PPP2R3A: variants seen among roughly 807,000 people sequenced by gnomAD.
PPP2R3A encodes serine/threonine-protein phosphatase 2A regulatory subunit B'' subunit alpha.
In PPP2R3A, 80 loss-of-function variants were observed where a neutral mutation model predicts 106.9. That is an observed-to-expected ratio of 0.75 (90% CI 0.62 to 0.90). The LOEUF (loss-of-function observed/expected upper bound fraction) is 0.90, where lower values mean the gene tolerates loss of function less well. Among genes scored for constraint, PPP2R3A ranks in the 40% least tolerant of loss-of-function variants. The pLI, the probability that PPP2R3A is intolerant of heterozygous loss-of-function variation, is 0.00. For missense variants in PPP2R3A, 1,386 were observed against 1,350.4 expected, an observed-to-expected ratio of 1.03 and a Z score of -0.41; for synonymous variants, 483 against 468.3, an observed-to-expected ratio of 1.03 and a Z score of -0.41.
intron 3 of PPP2R3A, among the ~76,000 whole-genome samples, chr3:136,037,284 A>T (rs1464250470): frequency 6.6e-6 from 1 of 152,232 alleles, no homozygotes; most frequent in Non-Finnish European, 1.5e-5. Flanking sequence ...ACATCTGGTT[A>T]AATTCTCAGT....
rs146920380 is a variant in PPP2R3A, at chr3:135,972,291, G to A, written c.-441+6442G>A. ...GTATACGAGGTTCACTCAGGTTGTA[G>A]CATGTATCAGTACTTCATTCTTTCT... is the stretch of plus-strand genomic sequence containing the variant. On this transcript the variant is annotated intron_variant, in intron 1 of 13. Coordinates refer to ENST00000264977, the MANE Select transcript of PPP2R3A (RefSeq NM_002718.5). Among the ~76,000 whole-genome samples, 14 of 152,308 alleles carry A rather than the reference G, an allele frequency of 9.2e-5. No individual in the cohort carries two copies. In the East Asian group the frequency reaches 2.7e-3, roughly 29 times the overall value.
At chr3:135,969,832 C>T (rs954992192) in intron 1 of PPP2R3A, among the ~76,000 whole-genome samples, 2 of 152,158 alleles carry the variant, frequency 1.3e-5, no homozygotes, top group Non-Finnish European at 2.9e-5. Flanking sequence ...TGTAGCACTA[C>T]TGAGTTGGTT....
intron 2 of PPP2R3A, among the ~76,000 whole-genome samples, chr3:136,016,223 T>G (rs1934262878): frequency 6.6e-6 from 1 of 152,152 alleles, no homozygotes. Context: ...CTGAGACTTG[T>G]TTTGTGGCCT....
At chr3:136,094,373 G>A (rs962645227) in intron 10 of PPP2R3A, among the ~76,000 whole-genome samples, 5 of 152,136 alleles carry the variant, frequency 3.3e-5, no homozygotes, top group Admixed American at 6.6e-5. Context: ...TATGATATGT[G>A]AAATATATTT....
At chr3:136,140,461 A>AAAAC (rs1938817474) in intron 13 of PPP2R3A, among the ~76,000 whole-genome samples, 1 of 150,340 alleles carries the variant, frequency 6.7e-6, no homozygotes, top group Non-Finnish European at 1.5e-5. Flanking sequence ...AAAAAAAAAA[A>AAAAC]AAACCCGGGC....
intron 1 of PPP2R3A, 34 bp downstream of exon 1, chr3:135,965,883 G>A (rs997854919): frequency 6.6e-6 from 1 of 151,646 alleles, no homozygotes; most frequent in African/African-American, 2.4e-5. Context: ...ACGGCCTGGA[G>A]CCTTCAGCTC....
intron 10 of PPP2R3A, among the ~76,000 whole-genome samples, chr3:136,100,543 G>A (rs1390171540): frequency 6.6e-6 from 1 of 151,840 alleles, no homozygotes; most frequent in Non-Finnish European, 1.5e-5. Context: ...GTTGAGCATG[G>A]CGGCAGGCAC....
chr3:136,106,618 A>G, intron 13 of PPP2R3A: 1 of 314,102 alleles, frequency 3.2e-6, no homozygotes, highest in Non-Finnish European at 5.9e-6. Context: ...ATAAAGGAGG[A>G]GGCTAAAAGA....
At chr3:136,141,069 C>CTA (rs1300306109) in intron 13 of PPP2R3A, among the ~76,000 whole-genome samples, 1 of 152,208 alleles carries the variant, frequency 6.6e-6, no homozygotes, top group African/African-American at 2.4e-5. Context: ...AATCACTGTA[C>CTA]TATAGCCCAA....
chr3:136,040,789 G>C lies in PPP2R3A; in HGVS notation c.2263-70G>C, dbSNP rs1354213073. 9.7e-6 allele frequency: 13 copies of C among 1,339,688 alleles called. No homozygotes were observed. In the East Asian group the frequency reaches 3.3e-4, roughly 34 times the overall value. 83.0% of individuals were successfully genotyped at this position (1,339,688 alleles called of 1,614,324 possible). A position where few individuals can be genotyped will look rare whatever the true frequency, so the allele number is the denominator to read the frequency against. The stretch of plus-strand genomic sequence containing the variant: ...TGGCATGAAGGGTAAAAGCCACAAA[G>C]ATCTTTTCTTTGGCCGTGTCATCTC... On this transcript the variant is annotated intron_variant, in intron 3 of 13. Transcript: ENST00000264977.
intron 10 of PPP2R3A, among the ~76,000 whole-genome samples, chr3:136,092,613 A>C (rs902407130): frequency 4.6e-5 from 7 of 152,208 alleles, no homozygotes; most frequent in African/African-American, 1.7e-4. Flanking sequence ...CCCTATTCCA[A>C]AATATTTCAC....
Position 136,003,093 on chromosome 3 carries a change from C to A in PPP2R3A, c.1595C>A (p.Ala532Glu). ...KMETSLREPL[A>E]KGKNSNFLNS... is the part of the protein sequence containing the mutation. ...GAGACCTCTCTAAGAGAGCCACTTG[C>A]GAAGGGTAAAAACTCTAATTTTTTA... Residue 532 changes from alanine to glutamate, a missense_variant, in exon 2 of 14, where the codon GCG (alanine) becomes GAG (glutamate). Physicochemically the swap from Ala to Glu is moderately radical, Grantham distance 107. Coordinates refer to ENST00000264977, the MANE Select transcript of PPP2R3A (RefSeq NM_002718.5). 1 of 1,610,492 alleles carries A rather than the reference C, an allele frequency of 6.2e-7. No individual in the cohort carries two copies. The highest frequency in any genetic ancestry group is 8.5e-7 in the Non-Finnish European group (1 of 1,179,094).
chr3:136,127,863 A>G (rs1009479230), intron 13 of PPP2R3A, among the ~76,000 whole-genome samples: 37 of 152,214 alleles, frequency 2.4e-4, no homozygotes, highest in African/African-American at 6.5e-4. Context: ...AATATTCAAC[A>G]TTCTTAAAGA....
intron 9 of PPP2R3A, among the ~76,000 whole-genome samples, chr3:136,089,074 C>T (rs1169395830): frequency 1.3e-5 from 2 of 152,102 alleles, no homozygotes; most frequent in Non-Finnish European, 1.5e-5. Context: ...TGTGCAAAAG[C>T]TCTTTAGTTT....
intron 2 of PPP2R3A, among the ~76,000 whole-genome samples, chr3:136,025,096 T>TG (rs1311899109): frequency 2.0e-5 from 3 of 152,184 alleles, no homozygotes; most frequent in African/African-American, 7.2e-5. Flanking sequence ...ATCTCATCCT[T>TG]TGGTCTTGTC....
chr3:136,082,013 G>A (rs1936794672), intron 7 of PPP2R3A, among the ~76,000 whole-genome samples: 1 of 152,022 alleles, frequency 6.6e-6, no homozygotes, highest in East Asian at 1.9e-4. Context: ...CAAGGTAATG[G>A]TACTTCCCTT....
At chr3:136,115,150 T>A (rs932075203) in intron 13 of PPP2R3A, among the ~76,000 whole-genome samples, 84 of 152,028 alleles carry the variant, frequency 5.5e-4, no homozygotes, top group African/African-American at 2.0e-3. Context: ...TCCAGCAAAC[T>A]CCAGCACACC....
intron 8 of PPP2R3A, among the ~76,000 whole-genome samples, chr3:136,085,434 C>T (rs970892365): frequency 1.6e-4 from 25 of 152,194 alleles, no homozygotes; most frequent in African/African-American, 3.9e-4. Context: ...TCAGGTATGT[C>T]GTTATTAGCA....
intron 13 of PPP2R3A, among the ~76,000 whole-genome samples, chr3:136,111,339 TTAAGA>T (rs1419351059): frequency 2.0e-5 from 3 of 152,104 alleles, no homozygotes; most frequent in Admixed American, 2.0e-4. Context: ...TGTTAAAAAT[TTAAGA>T]TATTTTCACT....
Sources: allele counts gnomAD v4.1 joint callset (sites outside exome capture counted in the v4.1 genomes callset), GRCh38; gene constraint gnomAD v4.1.1; transcripts MANE v1.5; gene names NCBI Gene and HGNC (gene_info 2026-07-23, HGNC 2026-07-21).